PPIL6: variants seen among roughly 807,000 people sequenced by gnomAD.
PPIL6 encodes the protein peptidylprolyl isomerase like 6.
Under a neutral mutation model 36.8 loss-of-function variants are expected in PPIL6, and 39 were observed. The observed-to-expected ratio is 1.06, with a 90% CI of 0.82 to 1.38. The LOEUF is 1.38. Ranked by LOEUF, PPIL6 falls within the 40% of genes most tolerant of loss-of-function variation. PPIL6 has a pLI of 0.00. For synonymous variants in PPIL6, 123 were observed against 134.1 expected (o/e 0.92, Z 0.57); for missense variants, 368 against 379.1 (o/e 0.97, Z 0.24).
At chr6:109,438,586 A>C (rs1051860463) in intron 1 of PPIL6, among the ~76,000 whole-genome samples, 1 of 151,596 alleles carries the variant, frequency 6.6e-6, no homozygotes, top group African/African-American at 2.4e-5. Flanking sequence ...ATTTGTAAAC[A>C]GTTTTTTGTT....
Position 109,390,667 on chromosome 6 carries a change from G to C in PPIL6, c.*2159C>G, listed in dbSNP as rs1772065253. ...AAGGGGGTCTTTGAGGTGCTGGAAA[G>C]GTTCTATATTTTCTCTATAGTGTTG... On this transcript the variant is annotated 3_prime_UTR_variant, in exon 8 of 8. Coordinates refer to ENST00000521072, the MANE Select transcript of PPIL6 (RefSeq NM_173672.5). The C allele has an allele frequency of 6.6e-6, 1 of 152,210 alleles. No individual in the cohort carries two copies. The highest frequency in any genetic ancestry group is 2.1e-4 in the South Asian group (1 of 4,828). The allele number at this position is 152,210 out of a possible 1,614,324, so 9.4% of individuals were successfully genotyped here.
At chr6:109,428,668 A>G (rs1485611051) in intron 3 of PPIL6, among the ~76,000 whole-genome samples, 1 of 152,008 alleles carries the variant, frequency 6.6e-6, no homozygotes, top group African/African-American at 2.4e-5. Flanking sequence ...ATGTCACTCT[A>G]ACTTTTTTTT....
intron 7 of PPIL6, among the ~76,000 whole-genome samples, chr6:109,398,669 T>C (rs928699236): frequency 2.6e-5 from 4 of 152,248 alleles, no homozygotes; most frequent in African/African-American, 9.6e-5. Context: ...TTACCTGTGA[T>C]GTTTTCATAT....
intron 3 of PPIL6, among the ~76,000 whole-genome samples, chr6:109,427,798 G>A (rs1192279801): frequency 6.6e-6 from 1 of 152,208 alleles, no homozygotes; most frequent in African/African-American, 2.4e-5. Flanking sequence ...ACAACTAGGT[G>A]TGGAAATAGC....
intron 2 of PPIL6, among the ~76,000 whole-genome samples, chr6:109,433,834 T>G (rs1468700533): frequency 6.6e-6 from 1 of 151,728 alleles, no homozygotes; most frequent in East Asian, 1.9e-4. Context: ...AAAGGAAGGA[T>G]AAGGAATATC....
chr6:109,417,171 TAAAAAA>T (rs929868840), intron 6 of PPIL6, among the ~76,000 whole-genome samples: 18 of 133,272 alleles, frequency 1.4e-4, no homozygotes, highest in African/African-American at 5.0e-4. Context: ...TCCTGTCTCT[TAAAAAA>T]AAAAAAAAGA....
At chr6:109,427,036 A>C in intron 4 of PPIL6, 42 bp from the exon 5 acceptor site, 1 of 1,596,256 alleles carries the variant, frequency 6.3e-7, no homozygotes, top group Non-Finnish European at 8.6e-7. Flanking sequence ...TAAATATTTA[A>C]CACTCCAACA....
intron 7 of PPIL6, among the ~76,000 whole-genome samples, chr6:109,395,844 T>G (rs1442897701): frequency 6.7e-6 from 1 of 148,678 alleles, no homozygotes; most frequent in East Asian, 2.0e-4. Context: ...TTTTTTTTTT[T>G]TTTTTTCCTG....
chr6:109,401,496 C>G (rs961558134), intron 6 of PPIL6, among the ~76,000 whole-genome samples: 28 of 152,074 alleles, frequency 1.8e-4, no homozygotes, highest in African/African-American at 6.8e-4. Flanking sequence ...ACTAAGCAAA[C>G]TAAGTGATTA....
chr6:109,426,929 C>A lies in PPIL6; in HGVS notation c.549G>T (p.Gly183=). Residue 183 remains glycine, a synonymous_variant, in exon 5 of 8, where the codon GGG becomes GGT. Transcript: ENST00000521072. ...NFQVLCTGKA[G]FSQRGIRLHY... ...GTAGTCTTATGCCACGTTGAGAAAA[C>A]CCTGCTTTTCCTGTGCACAAGACCT... 5 of 1,607,482 alleles carry A rather than the reference C, an allele frequency of 3.1e-6. No homozygotes were observed. Among genetic ancestry groups the A allele is most frequent in the African/African-American group, 1.3e-5 (1 of 74,916 alleles).
intron 2 of PPIL6, among the ~76,000 whole-genome samples, chr6:109,434,338 T>G (rs1175181857): frequency 6.6e-6 from 1 of 152,152 alleles, no homozygotes; most frequent in Non-Finnish European, 1.5e-5. Context: ...GGAGGGTTGC[T>G]TGAAGCCAGA....
chr6:109,430,716 C>A (rs1034604631), intron 3 of PPIL6, among the ~76,000 whole-genome samples: 1 of 152,164 alleles, frequency 6.6e-6, no homozygotes, highest in African/African-American at 2.4e-5. Context: ...TGAGCCACCG[C>A]GCCCGGCCTG....
intron 6 of PPIL6, among the ~76,000 whole-genome samples, chr6:109,401,008 C>T (rs1044172675): frequency 1.5e-4 from 22 of 151,228 alleles, no homozygotes; most frequent in African/African-American, 4.4e-4. Context: ...TACAGGCGCC[C>T]GCCACCATGC....
chr6:109,433,479 C>A (rs184006798), intron 2 of PPIL6, among the ~76,000 whole-genome samples: 7 of 152,372 alleles, frequency 4.6e-5, no homozygotes, highest in African/African-American at 1.7e-4. Flanking sequence ...ATGCCTTCCT[C>A]TGTCTCCTCT....
chr6:109,423,335 C>T (rs1773647807), intron 5 of PPIL6, among the ~76,000 whole-genome samples: 1 of 152,058 alleles, frequency 6.6e-6, no homozygotes, highest in African/African-American at 2.4e-5. Flanking sequence ...CCACGTAATC[C>T]AGCCTGGATG....
At chr6:109,393,053 T>C (rs879086542) in intron 7 of PPIL6, 116 bp from the exon 8 acceptor site, 3 of 641,176 alleles carry the variant, frequency 4.7e-6, no homozygotes, top group South Asian at 3.8e-5. Flanking sequence ...ACAAATTGAA[T>C]GAACATCAGC....
intron 5 of PPIL6, 121 bp from the exon 6 acceptor site, chr6:109,419,364 G>A (rs1773426690): frequency 1.4e-5 from 9 of 639,130 alleles, no homozygotes; most frequent in Non-Finnish European, 2.2e-5. Context: ...GATGATCACT[G>A]GAGCCCAGGA....
intron 2 of PPIL6, among the ~76,000 whole-genome samples, chr6:109,434,409 G>A (rs1774333830): frequency 6.6e-6 from 1 of 152,098 alleles, no homozygotes; most frequent in Admixed American, 6.6e-5. Flanking sequence ...AGAAAAAAAA[G>A]AATATATATG....
intron 6 of PPIL6, among the ~76,000 whole-genome samples, chr6:109,414,412 GT>G (rs1366468373): frequency 1.5e-5 from 2 of 135,362 alleles, no homozygotes; most frequent in South Asian, 2.4e-4. Flanking sequence ...GTTGCATCAT[GT>G]TTTTTTCTAA....
Sources: gnomAD v4.1 joint callset for allele counts (sites outside exome capture counted in the v4.1 genomes callset) on GRCh38, gnomAD v4.1.1 for gene constraint, MANE v1.5 for transcripts, NCBI Gene and HGNC (gene_info 2026-07-23, HGNC 2026-07-21) for gene names.